HS3ST2: variants seen among roughly 807,000 people sequenced by gnomAD.
HS3ST2 encodes the protein heparan sulfate-glucosamine 3-sulfotransferase 2, also known as heparan sulfate glucosamine 3-O-sulfotransferase 2.
A neutral mutation model predicts 26.3 loss-of-function variants in HS3ST2; 17 were observed. The observed-to-expected ratio is 0.65, with a 90% CI of 0.44 to 0.97. The LOEUF is 0.97. HS3ST2 is among the 50% of genes least tolerant of loss of function. The probability of loss-of-function intolerance (pLI) is 0.00; values close to 1 mark genes in which losing one functional copy is unlikely to be tolerated. For synonymous variants in HS3ST2, 237 were observed against 219.2 expected (o/e 1.08, Z -0.72); for missense variants, 402 against 501.2 (o/e 0.80, Z 1.89).
At chr16:22,842,205 G>T (rs180999449) in intron 1 of HS3ST2, among the ~76,000 whole-genome samples, 2 of 151,750 alleles carry the variant, frequency 1.3e-5, no homozygotes, top group African/African-American at 2.4e-5. Context: ...GGGACTAAAG[G>T]CATGTGCCAC....
Position 22,831,075 on chromosome 16 carries a change from C to T in HS3ST2, c.485+15980C>T, listed in dbSNP as rs186216762. 2.1e-3 allele frequency among the ~76,000 whole-genome samples: 323 copies of T among 152,300 alleles called. 1 individual carries two copies. Among genetic ancestry groups the T allele is most frequent in the African/African-American group, 7.5e-3 (311 of 41,566 alleles). On this transcript the variant is annotated intron_variant, in intron 1 of 1. Coordinates refer to ENST00000261374, the MANE Select transcript of HS3ST2 (RefSeq NM_006043.2). The stretch of plus-strand genomic sequence containing the variant: ...CTCTGTTCCAGAGAGAGATCAAAAA[C>T]TATTAGAAAGGTGTTAATGACATTC...
rs1223491893 is a variant in HS3ST2 at position 22,915,664 on chromosome 16, C to T, written c.*102C>T. 69 of 1,309,372 alleles carry T rather than the reference C, an allele frequency of 5.3e-5. No homozygotes were observed. In the East Asian group the frequency reaches 1.3e-3, roughly 24 times the overall value. 81.1% of individuals were successfully genotyped at this position (1,309,372 alleles called of 1,614,324 possible). A position where few individuals can be genotyped will look rare whatever the true frequency, so the allele number is the denominator to read the frequency against. ...TCCCTCCAACAAACCCTGGCTCCAG[C>T]CCCCTTTCCCAACTTGAGTTGCATC... is the stretch of plus-strand genomic sequence containing the variant. On this transcript the variant is annotated 3_prime_UTR_variant, in exon 2 of 2. Coordinates refer to ENST00000261374, the MANE Select transcript of HS3ST2 (RefSeq NM_006043.2).
Position 22,866,709 on chromosome 16 carries a change from T to C in HS3ST2, c.486-48235T>C, listed in dbSNP as rs564358576. On this transcript the variant is annotated intron_variant, in intron 1 of 1. Transcript: ENST00000261374. ...CCAGCTACTTGGGAGGCTGAGGTGG[T>C]AGTATCACTGTGGTGATTGTGGAGG... 4.6e-5 allele frequency among the ~76,000 whole-genome samples: 7 copies of C among 152,070 alleles called. No homozygotes were observed. The South Asian group carries it at 1.5e-3, about 32-fold the overall frequency.
chr16:22,870,403 C>T (rs1901818835), intron 1 of HS3ST2, among the ~76,000 whole-genome samples: 1 of 152,150 alleles, frequency 6.6e-6, no homozygotes, highest in Non-Finnish European at 1.5e-5. Context: ...GTGCTCTGCC[C>T]TTTCCTCTCT....
intron 1 of HS3ST2, among the ~76,000 whole-genome samples, chr16:22,868,707 T>A (rs1901791736): frequency 6.6e-6 from 1 of 152,152 alleles, no homozygotes; most frequent in African/African-American, 2.4e-5. Flanking sequence ...ATTTGTTTCC[T>A]TTTGGTGTTA....
chr16:22,914,961 C>A lies in HS3ST2; in HGVS notation c.503C>A (p.Thr168Asn). ...CCACACAGGAGCCTGATGCCCAGGA[C>A]CCTCGAGAGCCAGATCACGCTGGAG... ...LDWYRSLMPR[T>N]LESQITLEKT... Residue 168 changes from threonine (T) to asparagine (N), a missense_variant, in exon 2 of 2, where the codon ACC becomes AAC. Physicochemically the swap from Thr to Asn is moderately conservative, Grantham distance 65 (BLOSUM62 0). Around this residue, in one of 2 missense-constraint regions of HS3ST2, gnomAD observed 237 missense variants for 346.6 expected, o/e 0.68. Transcript: ENST00000261374. 6.2e-7 allele frequency: 1 copy of A among 1,612,310 alleles called. No homozygotes were observed. Among genetic ancestry groups the A allele is most frequent in the Admixed American group, 1.7e-5 (1 of 59,980 alleles).
chr16:22,914,896 T>C, intron 1 of HS3ST2, 48 bp from the exon 2 acceptor site: 7 of 1,554,546 alleles, frequency 4.5e-6, no homozygotes, highest in Non-Finnish European at 5.2e-6. Context: ...GCCTGAGGCC[T>C]GGCCCCAGGG....
intron 1 of HS3ST2, among the ~76,000 whole-genome samples, chr16:22,903,145 T>C (rs1458633827): frequency 1.3e-5 from 2 of 152,224 alleles, no homozygotes; most frequent in Non-Finnish European, 2.9e-5. Context: ...TTCATTTTTA[T>C]ATTCTCACGT....
chr16:22,830,738 C>T (rs1299596713), intron 1 of HS3ST2, among the ~76,000 whole-genome samples: 4 of 152,220 alleles, frequency 2.6e-5, no homozygotes, highest in African/African-American at 9.6e-5. Context: ...GGGTCATCAA[C>T]GTCCTTTACA....
intron 1 of HS3ST2, among the ~76,000 whole-genome samples, chr16:22,873,971 G>A (rs1049325017): frequency 2.6e-5 from 4 of 152,156 alleles, no homozygotes; most frequent in Non-Finnish European, 5.9e-5. Flanking sequence ...GAGATCACAG[G>A]GTTCCGGGAA....
chr16:22,829,238 T>C (rs770857569), intron 1 of HS3ST2, among the ~76,000 whole-genome samples: 1 of 152,200 alleles, frequency 6.6e-6, no homozygotes, highest in Non-Finnish European at 1.5e-5. Context: ...TTGGAAGTAG[T>C]GACGGCATCA....
intron 1 of HS3ST2, among the ~76,000 whole-genome samples, chr16:22,910,819 C>A (rs964649014): frequency 6.6e-6 from 1 of 151,976 alleles, no homozygotes; most frequent in Non-Finnish European, 1.5e-5. Flanking sequence ...GATCTAAGCA[C>A]AGGTGGATGG....
At chr16:22,829,217 T>G (rs1030596769) in intron 1 of HS3ST2, among the ~76,000 whole-genome samples, 1 of 152,142 alleles carries the variant, frequency 6.6e-6, no homozygotes, top group Non-Finnish European at 1.5e-5. Flanking sequence ...TCCTATCCCA[T>G]GGAGAAGCAG....
Position 22,881,158 on chromosome 16 carries a change from C to T in HS3ST2, c.486-33786C>T, listed in dbSNP as rs1293473265. Among the ~76,000 whole-genome samples, 4 of 152,312 alleles carry T rather than the reference C, an allele frequency of 2.6e-5. No individual in the cohort carries two copies. In the East Asian group the frequency reaches 7.7e-4, roughly 29 times the overall value. On this transcript the variant is annotated intron_variant, in intron 1 of 1. Coordinates refer to ENST00000261374, the MANE Select transcript of HS3ST2 (RefSeq NM_006043.2). Reference sequence around the variant, plus strand: ...TTCCCTCGTCTAAAGTCACTTCCCTCGTCTGAAAAGTAGAAATAATCACAG... The same window carrying T: ...TTCCCTCGTCTAAAGTCACTTCCCTTGTCTGAAAAGTAGAAATAATCACAG...
At chr16:22,830,834 A>G (rs1300800187) in intron 1 of HS3ST2, among the ~76,000 whole-genome samples, 3 of 152,204 alleles carry the variant, frequency 2.0e-5, no homozygotes, top group East Asian at 1.9e-4. Context: ...AAATAGTTCC[A>G]TTTACTTTAC....
chr16:22,815,066 G>A lies in HS3ST2; in HGVS notation c.456G>A (p.Arg152=), dbSNP rs775348904. The A allele has an allele frequency of 9.9e-6, 16 of 1,613,022 alleles. No individual in the cohort carries two copies. Among genetic ancestry groups the A allele is most frequent in the Non-Finnish European group, 1.1e-5 (13 of 1,180,050 alleles). The change falls in exon 1 of 2, where the codon AGG becomes AGA. Residue 152 remains arginine, a synonymous_variant. Transcript: ENST00000261374. ...ALGTEPHFFD[R]NYGRGLDWYR... The stretch of plus-strand genomic sequence containing the variant: ...GCACGGAACCCCACTTCTTTGACAG[G>A]AACTACGGCCGCGGGCTGGATTGGT...
chr16:22,901,167 C>T (rs372646059), intron 1 of HS3ST2, among the ~76,000 whole-genome samples: 5 of 152,310 alleles, frequency 3.3e-5, no homozygotes, highest in East Asian at 3.9e-4. Context: ...GAAACTAACA[C>T]GAAAGTCACA....
Position 22,915,436 on chromosome 16 carries a change from G to A in HS3ST2, c.978G>A (p.Leu326=), listed in dbSNP as rs770142793. The A allele has an allele frequency of 8.7e-6, 14 of 1,613,786 alleles. No homozygotes were observed. The highest frequency in any genetic ancestry group is 1.2e-5 in the Non-Finnish European group (14 of 1,179,944). ...KTESSLLPRC[L]GKSKGRTHVQ... ...AATCGAGCCTCCTGCCTCGATGCTT[G>A]GGCAAATCAAAAGGGAGAACTCATG... The change falls in exon 2 of 2, where the codon TTG becomes TTA. Residue 326 remains leucine (L), a synonymous_variant. Transcript: ENST00000261374.
At position 22,915,326 on chromosome 16, in the gene HS3ST2, G is replaced by A; in HGVS notation, c.868G>A (p.Asp290Asn). ...GGCCGGCGAGATGGGGCGAGTCCAG[G>A]ACTTCCTGGGCATTAAGAGATTCAT... ...DPAGEMGRVQDFLGIKRFITD... is the reference protein window; with the variant it reads ...DPAGEMGRVQNFLGIKRFITD... The change falls in exon 2 of 2, where the codon GAC (aspartate) becomes AAC (asparagine). Residue 290 changes from aspartate (D) to asparagine (N), a missense_variant. Physicochemically the swap from Asp to Asn is conservative, Grantham distance 23. Coordinates refer to ENST00000261374, the MANE Select transcript of HS3ST2 (RefSeq NM_006043.2). The A allele has an allele frequency of 6.2e-7, 1 of 1,613,996 alleles. No individual in the cohort carries two copies. The highest frequency in any genetic ancestry group is 8.5e-7 in the Non-Finnish European group (1 of 1,180,008).
Sources: gnomAD v4.1 joint callset for allele counts (sites outside exome capture counted in the v4.1 genomes callset) on GRCh38, gnomAD v4.1.1 for gene constraint, gnomAD v4.1.1 regional missense constraint, MANE v1.5 for transcripts, NCBI Gene and HGNC (gene_info 2026-07-23, HGNC 2026-07-21) for gene names.